HERC3: variants seen among roughly 807,000 people sequenced by gnomAD.
HERC3 encodes probable E3 ubiquitin-protein ligase HERC3.
In HERC3, 58 loss-of-function variants were observed where a neutral mutation model predicts 129.9. The ratio of observed to expected loss-of-function variants is 0.45; its 90% CI spans 0.36 to 0.56. The LOEUF is 0.56. Ranked by LOEUF, HERC3 falls within the 20% of genes least tolerant of loss-of-function variation. HERC3 has a pLI of 0.00. For synonymous variants in HERC3, 430 were observed against 451.0 expected (o/e 0.95, Z 0.59); for missense variants, 835 against 1,244.2 (o/e 0.67, Z 4.95).
chr4:88,639,237 A>G (rs112564983), intron 3 of HERC3, among the ~76,000 whole-genome samples: 5 of 152,138 alleles, frequency 3.3e-5, no homozygotes, highest in Non-Finnish European at 7.4e-5. Flanking sequence ...TTTAGAAAAA[A>G]CTGCTTTAAA....
At chr4:88,680,036 G>A in intron 19 of HERC3, 57 bp from the exon 20 acceptor site, 2 of 1,490,214 alleles carry the variant, frequency 1.3e-6, no homozygotes, top group Non-Finnish European at 9.1e-7. Context: ...CTGCTAAAAA[G>A]AGATAAAATG....
chr4:88,524,490 A>G, the HERC3 span, among the ~76,000 whole-genome samples: 1 of 152,188 alleles, frequency 6.6e-6, no homozygotes, highest in African/African-American at 2.4e-5. Context: ...ACTCTCCAAG[A>G]AAGTGACCAT....
chr4:88,697,218 G>A (rs1206104351), intron 23 of HERC3: 3 of 1,516,516 alleles, frequency 2.0e-6, no homozygotes, highest in Non-Finnish European at 1.8e-6. Flanking sequence ...ACTTCTTGGC[G>A]TCATCAGGCA....
At chr4:88,598,671 A>G (rs1722660994) in intron 2 of HERC3, among the ~76,000 whole-genome samples, 2 of 152,186 alleles carry the variant, frequency 1.3e-5, no homozygotes, top group Non-Finnish European at 2.9e-5. Context: ...TAATCCTCAC[A>G]ACACTCTAGC....
chr4:88,635,137 T>C lies in HERC3; in HGVS notation c.227-14703T>C, dbSNP rs548532481. Reference sequence around the variant, plus strand: ...CACCTCTCCAGCAAGGGCGCAGAACTGTACAGAGAATGAGATGGATGAATT... The same window carrying C: ...CACCTCTCCAGCAAGGGCGCAGAACCGTACAGAGAATGAGATGGATGAATT... On this transcript the variant is annotated intron_variant, in intron 3 of 25. Transcript: ENST00000402738. Among the ~76,000 whole-genome samples the C allele has an allele frequency of 2.6e-5, 4 of 152,106 alleles. No individual in the cohort carries two copies. In the South Asian group the frequency reaches 8.3e-4, roughly 32 times the overall value.
At chr4:88,588,300 A>G (rs1279027204), upstream of HERC3, among the ~76,000 whole-genome samples, 1 of 152,272 alleles carries the variant, frequency 6.6e-6, no homozygotes, top group Non-Finnish European at 1.5e-5. Context: ...ATTTGATGGT[A>G]ATACTGATTT....
chr4:88,599,500 TAGTC>T (rs1011328207), intron 2 of HERC3, among the ~76,000 whole-genome samples: 8 of 152,232 alleles, frequency 5.3e-5, no homozygotes, highest in African/African-American at 1.9e-4. Flanking sequence ...TTGTTTTTAC[TAGTC>T]AGTCAGGGAT....
chr4:88,524,008 C>T, the HERC3 span: 1 of 391,582 alleles, frequency 2.6e-6, no homozygotes, highest in South Asian at 4.6e-5. Context: ...TTCACCGGGG[C>T]CTGTCCAAGG....
At position 88,667,233 on chromosome 4, in the gene HERC3, A is replaced by G. The variant is rs150166643; in HGVS notation, c.1332-144A>G. 8.9e-6 allele frequency: 4 copies of G among 448,042 alleles called. No homozygotes were observed. In the East Asian group the frequency reaches 1.1e-4, roughly 12 times the overall value. The allele number at this position is 448,042 out of a possible 1,614,324, so 27.8% of individuals were successfully genotyped here. On this transcript the variant is annotated intron_variant, in intron 12 of 25. Coordinates refer to ENST00000402738, the MANE Select transcript of HERC3 (RefSeq NM_014606.3). ...GGGTTTATTATTTTGAGATTTATGC[A>G]AAGTGTAGTATTTTTGTGGATCTTA... is the stretch of plus-strand genomic sequence containing the variant.
the HERC3 span, among the ~76,000 whole-genome samples, chr4:88,573,111 T>G: frequency 1.3e-5 from 2 of 152,250 alleles, no homozygotes; most frequent in Non-Finnish European, 2.9e-5. Flanking sequence ...GGCATGTATA[T>G]GTTATAAAAA....
At chr4:88,676,770 G>A (rs942289547) in intron 18 of HERC3, among the ~76,000 whole-genome samples, 1 of 152,166 alleles carries the variant, frequency 6.6e-6, no homozygotes, top group Admixed American at 6.5e-5. Flanking sequence ...CTTTATGTAT[G>A]TTGAAATTTG....
chr4:88,656,160 A>G, intron 9 of HERC3, 125 bp downstream of exon 9: 1 of 847,162 alleles, frequency 1.2e-6, no homozygotes, highest in Non-Finnish European at 1.8e-6. Context: ...ATTTTTTAAC[A>G]TCAATTAATA....
intron 1 of HERC3, among the ~76,000 whole-genome samples, chr4:88,594,118 C>G (rs1722073884): frequency 1.3e-5 from 2 of 152,178 alleles, no homozygotes; most frequent in African/African-American, 4.8e-5. Flanking sequence ...GCATCCAGTT[C>G]TTGTTCAGTA....
intron 22 of HERC3, 78 bp from the exon 23 acceptor site, chr4:88,687,139 C>T: frequency 9.5e-7 from 1 of 1,057,482 alleles, no homozygotes; most frequent in Non-Finnish European, 1.4e-6. Flanking sequence ...TTCCTAAAGC[C>T]TCTCTCAGTC....
chr4:88,588,580 T>A (rs1219343716), upstream of HERC3, among the ~76,000 whole-genome samples: 2 of 152,212 alleles, frequency 1.3e-5, no homozygotes, highest in African/African-American at 4.8e-5. Context: ...TTCAATGGTG[T>A]ATCTGAGAGA....
chr4:88,617,831 A>G (rs954647085), intron 3 of HERC3, among the ~76,000 whole-genome samples: 3 of 152,072 alleles, frequency 2.0e-5, no homozygotes, highest in African/African-American at 7.2e-5. Context: ...AGATCGCACC[A>G]CTGTACTCCA....
chr4:88,577,371 G>A, the HERC3 span, among the ~76,000 whole-genome samples: 1 of 151,994 alleles, frequency 6.6e-6, no homozygotes, highest in African/African-American at 2.4e-5. Context: ...GGACCTTAAG[G>A]GGAGAAGTTA....
At chr4:88,568,395 C>T in the HERC3 span, among the ~76,000 whole-genome samples, 1 of 152,256 alleles carries the variant, frequency 6.6e-6, no homozygotes, top group African/African-American at 2.4e-5. Flanking sequence ...TGGGATGGGT[C>T]CAGAAATGTC....
chr4:88,652,827 T>A (rs2149273395), intron 5 of HERC3, 42 bp from the exon 6 acceptor site: 1 of 1,564,810 alleles, frequency 6.4e-7, no homozygotes, highest in Non-Finnish European at 8.7e-7. Context: ...TGTGTGGAGC[T>A]TGTATCATTT....
Sources: gnomAD v4.1 joint callset for allele counts (sites outside exome capture counted in the v4.1 genomes callset) on GRCh38, gnomAD v4.1.1 for gene constraint, MANE v1.5 for transcripts, NCBI Gene and HGNC (gene_info 2026-07-23, HGNC 2026-07-21) for gene names.